Variants in KAZN observed in about 807,000 individuals in gnomAD.
KAZN encodes kazrin, periplakin interacting protein, also known as kazrin.
KAZN carries 40 observed loss-of-function variants against 87.4 expected under a neutral mutation model. The observed-to-expected ratio is 0.46, with a 90% CI of 0.36 to 0.60. KAZN has a LOEUF of 0.60. KAZN is among the 20% of genes least tolerant of loss of function. KAZN has a pLI of 0.00. For synonymous variants in KAZN, 466 were observed against 458.3 expected (o/e 1.02, Z -0.22); for missense variants, 898 against 1,073.9 (o/e 0.84, Z 2.29).
chr1:14,806,613 C>T (rs2100765320), intron 1 of KAZN, among the ~76,000 whole-genome samples: 1 of 152,264 alleles, frequency 6.6e-6, no homozygotes. Context: ...AGAAACACAC[C>T]AGGCTTCTTG....
intron 2 of KAZN, among the ~76,000 whole-genome samples, chr1:14,536,247 T>C (rs1672497660): frequency 6.6e-6 from 1 of 152,244 alleles, no homozygotes; most frequent in South Asian, 2.1e-4. Flanking sequence ...CCATACCAAA[T>C]GTCCTCTGAC....
At position 15,104,063 on chromosome 1, in the gene KAZN, C is replaced by T; in HGVS notation, c.1922C>T (p.Ala641Val). ...CTGACCAACAGCGGCGTCCATGGTG[C>T]TGTGCTGGTGCTGGAGCCCACATTC... The part of the protein sequence containing the change: ...DNLTNSGVHG[A>V]VLVLEPTFNA... Residue 641 changes from alanine (A) to valine (V), a missense_variant, in exon 13 of 15, where the codon GCT becomes GTT. By Grantham distance (64) the Ala-to-Val change is moderately conservative. Coordinates refer to ENST00000376030, the MANE Select transcript of KAZN (RefSeq NM_201628.3). The T allele has an allele frequency of 1.9e-6, 3 of 1,613,760 alleles. No individual in the cohort carries two copies. Among genetic ancestry groups the T allele is most frequent in the East Asian group, 2.2e-5 (1 of 44,880 alleles).
intron 1 of KAZN, among the ~76,000 whole-genome samples, chr1:14,764,881 G>A (rs1442566920): frequency 6.6e-6 from 1 of 152,188 alleles, no homozygotes; most frequent in Non-Finnish European, 1.5e-5. Context: ...CCACAAGAGT[G>A]CTGCATACTG....
At chr1:14,354,645 G>GACACACACACACACAC (rs71570202) in intron 2 of KAZN, among the ~76,000 whole-genome samples, 62 of 141,462 alleles carry the variant, frequency 4.4e-4, no homozygotes, top group East Asian at 1.3e-3. Flanking sequence ...AGCTAAATTA[G>GACACACACACACACAC]ACACACACAC....
chr1:14,806,063 A>G (rs1205351069), intron 1 of KAZN, among the ~76,000 whole-genome samples: 1 of 152,220 alleles, frequency 6.6e-6, no homozygotes, highest in African/African-American at 2.4e-5. Context: ...CCTGGAGGCC[A>G]GACTATAACA....
At chr1:14,592,826 T>G (rs531508451) in intron 2 of KAZN, among the ~76,000 whole-genome samples, 1 of 152,336 alleles carries the variant, frequency 6.6e-6, no homozygotes, top group East Asian at 1.9e-4. Context: ...CTTTCCACCT[T>G]GTCCCACGTA....
At position 15,116,373 on chromosome 1, in the gene KAZN, C is replaced by G. The variant is rs942643382; in HGVS notation, c.*1738C>G. 4 of 152,192 alleles carry G rather than the reference C, an allele frequency of 2.6e-5. No homozygotes were observed. The highest frequency in any genetic ancestry group is 5.9e-5 in the Non-Finnish European group (4 of 68,032). The allele number at this position is 152,192 out of a possible 1,614,324, so 9.4% of individuals were successfully genotyped here. On this transcript the variant is annotated 3_prime_UTR_variant, in exon 15 of 15. Coordinates refer to ENST00000376030, the MANE Select transcript of KAZN (RefSeq NM_201628.3). Reference sequence around the variant, plus strand: ...CATGCCGAAGACCGTGGTGTTCCCCCTAATGACATAAACGCAGCCTTTCTT... The same window carrying G: ...CATGCCGAAGACCGTGGTGTTCCCCGTAATGACATAAACGCAGCCTTTCTT...
chr1:13,936,145 G>A (rs1462359324), intron 1 of KAZN, among the ~76,000 whole-genome samples: 1 of 109,086 alleles, frequency 9.2e-6, no homozygotes, highest in Non-Finnish European at 1.7e-5. Flanking sequence ...TGCCCAGGCT[G>A]GGGTGCAATG....
chr1:14,499,489 G>A (rs1670124776), intron 2 of KAZN, among the ~76,000 whole-genome samples: 1 of 152,196 alleles, frequency 6.6e-6, no homozygotes. Context: ...GGAGCTGGCT[G>A]TGGGCGCCAG....
Position 15,116,166 on chromosome 1 carries a change from A to T in KAZN, c.*1531A>T, listed in dbSNP as rs1641836157. On this transcript the variant is annotated 3_prime_UTR_variant, in exon 15 of 15. Coordinates refer to ENST00000376030, the MANE Select transcript of KAZN (RefSeq NM_201628.3). ...ACACATCGGGTTATCAAAGCGAGTC[A>T]CTTGTTGGAACCATGATGCTCGACC... 1 of 152,186 alleles carries T rather than the reference A, an allele frequency of 6.6e-6. No individual in the cohort carries two copies. The highest frequency in any genetic ancestry group is 2.4e-5 in the African/African-American group (1 of 41,434). 9.4% of individuals were successfully genotyped at this position (152,186 alleles called of 1,614,324 possible). A position where few individuals can be genotyped will look rare whatever the true frequency, so the allele number is the denominator to read the frequency against.
chr1:14,827,005 T>C (rs1010622481), intron 1 of KAZN, among the ~76,000 whole-genome samples: 4 of 152,142 alleles, frequency 2.6e-5, no homozygotes, highest in Admixed American at 6.5e-5. Flanking sequence ...TCCCCACCTA[T>C]TGGAGCTGCC....
intron 2 of KAZN, among the ~76,000 whole-genome samples, chr1:14,486,614 T>C (rs546163048): frequency 1.3e-5 from 2 of 152,214 alleles, no homozygotes; most frequent in Non-Finnish European, 2.9e-5. Flanking sequence ...ACATTTAAGA[T>C]CCACAAAAGA....
intron 1 of KAZN, among the ~76,000 whole-genome samples, chr1:14,887,598 C>T (rs1654215388): frequency 6.6e-6 from 1 of 151,752 alleles, no homozygotes; most frequent in African/African-American, 2.4e-5. Context: ...GCAACCTTCC[C>T]TGCAATTTTC....
chr1:14,942,992 CGTGTGT>C (rs36110375), intron 1 of KAZN, among the ~76,000 whole-genome samples: 1 of 117,648 alleles, frequency 8.5e-6, no homozygotes, highest in African/African-American at 3.5e-5. Flanking sequence ...ATGTGAGCTG[CGTGTGT>C]GTGTGTGTGG....
intron 2 of KAZN, among the ~76,000 whole-genome samples, chr1:14,388,092 C>T (rs907927731): frequency 1.3e-5 from 2 of 152,230 alleles, no homozygotes; most frequent in Admixed American, 6.5e-5. Flanking sequence ...TGCCGTCTGT[C>T]ACCCCTTTCT....
chr1:13,987,873 T>A (rs975073096), intron 1 of KAZN, among the ~76,000 whole-genome samples: 3 of 152,208 alleles, frequency 2.0e-5, no homozygotes, highest in African/African-American at 7.2e-5. Flanking sequence ...GAGATTAATT[T>A]TTTTACAGTA....
intron 2 of KAZN, among the ~76,000 whole-genome samples, chr1:14,392,358 C>T (rs966881138): frequency 3.9e-5 from 6 of 152,098 alleles, no homozygotes; most frequent in Non-Finnish European, 8.8e-5. Flanking sequence ...TAATAGGGAG[C>T]GACTGAGTGG....
At chr1:14,790,982 G>A (rs1442606455) in intron 1 of KAZN, among the ~76,000 whole-genome samples, 3 of 150,802 alleles carry the variant, frequency 2.0e-5, no homozygotes, top group Admixed American at 6.6e-5. Flanking sequence ...GTGAGCCACC[G>A]CACCGGCCCC....
intron 8 of KAZN, among the ~76,000 whole-genome samples, chr1:15,092,073 A>ATTTTTTTTTTTTT (rs58871336): frequency 4.0e-5 from 3 of 75,482 alleles, no homozygotes; most frequent in African/African-American, 1.7e-4. Context: ...TTTTTTTTTG[A>ATTTTTTTTTTTTT]TTTTTTTTTT....
Sources: allele counts gnomAD v4.1 joint callset (sites outside exome capture counted in the v4.1 genomes callset), GRCh38; gene constraint gnomAD v4.1.1; transcripts MANE v1.5; gene names NCBI Gene and HGNC (gene_info 2026-07-23, HGNC 2026-07-21).